The following PPP2R2B variants were observed in gnomAD, a reference collection of about 807,000 sequenced individuals.
PPP2R2B encodes the protein serine/threonine-protein phosphatase 2A 55 kDa regulatory subunit B beta isoform.
A neutral mutation model predicts 46.0 loss-of-function variants in PPP2R2B; 5 were observed. The observed-to-expected ratio is 0.11, with a 90% CI of 0.06 to 0.23. PPP2R2B has a LOEUF of 0.23. Among genes scored for constraint, PPP2R2B ranks in the 10% least tolerant of loss-of-function variants. PPP2R2B has a pLI of 1.00. For missense variants in PPP2R2B, 367 were observed against 575.0 expected (o/e 0.64, Z 3.70); for synonymous variants, 215 against 206.7 (o/e 1.04, Z -0.34).
intron 1 of PPP2R2B, among the ~76,000 whole-genome samples, chr5:146,935,735 A>G (rs1582457710): frequency 6.6e-6 from 1 of 152,184 alleles, no homozygotes. Flanking sequence ...AAGAAGTTTG[A>G]TATGTCTTCA....
At chr5:146,634,726 C>A (rs1032755834) in intron 7 of PPP2R2B, among the ~76,000 whole-genome samples, 2 of 151,810 alleles carry the variant, frequency 1.3e-5, no homozygotes, top group African/African-American at 2.4e-5. Context: ...GCCTTCATAA[C>A]CATGTGATCT....
At chr5:147,019,588 T>C (rs567901555) in intron 1 of PPP2R2B, among the ~76,000 whole-genome samples, 3 of 151,684 alleles carry the variant, frequency 2.0e-5, no homozygotes, top group South Asian at 4.2e-4. Context: ...GTTTTTTGTT[T>C]TGTTTTGTTT....
intron 2 of PPP2R2B, among the ~76,000 whole-genome samples, chr5:146,851,663 A>T (rs551918680): frequency 6.6e-6 from 1 of 151,978 alleles, no homozygotes; most frequent in Non-Finnish European, 1.5e-5. Flanking sequence ...CTCAAATTAA[A>T]TAAGTGTAGG....
intron 2 of PPP2R2B, among the ~76,000 whole-genome samples, chr5:146,702,061 A>G (rs1240913008): frequency 6.6e-6 from 1 of 151,754 alleles, no homozygotes; most frequent in Non-Finnish European, 1.5e-5. Context: ...TGAGTTAAAA[A>G]AAAAAAAAAA....
chr5:147,056,749 G>A (rs1757098487), upstream of PPP2R2B, among the ~76,000 whole-genome samples: 1 of 152,132 alleles, frequency 6.6e-6, no homozygotes, highest in African/African-American at 2.4e-5. Flanking sequence ...CCAACCACAA[G>A]ATATAAGTAA....
intron 1 of PPP2R2B, chr5:146,918,340 T>C (rs1763468035): frequency 2.6e-5 from 4 of 152,204 alleles, no homozygotes; most frequent in Admixed American, 6.5e-5. Flanking sequence ...CTAAGTTTCT[T>C]TCCATAGTAT....
chr5:147,047,457 AC>A (rs1380564255), intron 1 of PPP2R2B, among the ~76,000 whole-genome samples: 1 of 151,664 alleles, frequency 6.6e-6, no homozygotes, highest in African/African-American at 2.4e-5. Flanking sequence ...CTTAAACTCC[AC>A]CCCCCAAAAT....
At chr5:146,717,780 T>C (rs953255926) in intron 2 of PPP2R2B, among the ~76,000 whole-genome samples, 2 of 152,246 alleles carry the variant, frequency 1.3e-5, no homozygotes, top group Admixed American at 1.3e-4. Context: ...ACTTTTGCTT[T>C]CAGGATCTCA....
chr5:146,686,622 A>T (rs933804032), intron 5 of PPP2R2B, among the ~76,000 whole-genome samples: 2 of 151,984 alleles, frequency 1.3e-5, no homozygotes, highest in Non-Finnish European at 2.9e-5. Flanking sequence ...AATTGTATTC[A>T]TCACATCACC....
At chr5:146,723,913 T>A (rs986715919) in intron 2 of PPP2R2B, among the ~76,000 whole-genome samples, 1 of 152,184 alleles carries the variant, frequency 6.6e-6, no homozygotes, top group Non-Finnish European at 1.5e-5. Context: ...AATCCCTTTT[T>A]TCTCTGAACC....
chr5:147,032,749 A>T, intron 1 of PPP2R2B, among the ~76,000 whole-genome samples: 1 of 152,000 alleles, frequency 6.6e-6, no homozygotes, highest in Middle Eastern at 3.2e-3. Flanking sequence ...TTCTTTATCC[A>T]CTTGTTTATT....
At chr5:146,706,962 C>A (rs1779902023) in intron 2 of PPP2R2B, 3 of 1,028,216 alleles carry the variant, frequency 2.9e-6, no homozygotes, top group Non-Finnish European at 3.1e-6. Context: ...TTGATATCGT[C>A]AGCCCTTCCA....
intron 2 of PPP2R2B, among the ~76,000 whole-genome samples, chr5:146,788,953 T>C (rs1205536634): frequency 6.6e-6 from 1 of 152,084 alleles, no homozygotes; most frequent in African/African-American, 2.4e-5. Context: ...GGCACAAACA[T>C]TGGTAAATAT....
At chr5:146,624,853 C>T (rs111826674) in intron 7 of PPP2R2B, among the ~76,000 whole-genome samples, 1 of 152,168 alleles carries the variant, frequency 6.6e-6, no homozygotes, top group Non-Finnish European at 1.5e-5. Flanking sequence ...TGTACACAGC[C>T]CAGCTGGTCA....
Position 146,628,555 on chromosome 5 carries a change from T to G in PPP2R2B, c.790+9696A>C, listed in dbSNP as rs537248432. On this transcript the variant is annotated intron_variant, in intron 7 of 9. Coordinates refer to ENST00000394411, the MANE Select transcript of PPP2R2B (RefSeq NM_181675.4). The stretch of plus-strand genomic sequence containing the variant: ...AGACCTTCTCTGGCCAGATTCAGCT[T>G]CTGCAATTCCCCAGCACTAGACATT... Among the ~76,000 whole-genome samples the G allele has an allele frequency of 3.3e-5, 5 of 152,282 alleles. No individual in the cohort carries two copies. The East Asian group carries it at 9.7e-4, about 30-fold the overall frequency.
chr5:146,991,774 C>A (rs1753708471), intron 1 of PPP2R2B, among the ~76,000 whole-genome samples: 1 of 151,534 alleles, frequency 6.6e-6, no homozygotes, highest in Admixed American at 6.6e-5. Context: ...CCATATTTTA[C>A]AATAAAATAA....
chr5:146,997,181 A>G (rs751445178), intron 1 of PPP2R2B, among the ~76,000 whole-genome samples: 1 of 152,160 alleles, frequency 6.6e-6, no homozygotes, highest in Admixed American at 6.5e-5. Flanking sequence ...ATAGTGCCTT[A>G]CCAAGAAACC....
chr5:146,899,368 G>C (rs552648442), intron 1 of PPP2R2B, among the ~76,000 whole-genome samples: 1 of 147,504 alleles, frequency 6.8e-6, no homozygotes, highest in African/African-American at 2.5e-5. Context: ...GTAAACTATC[G>C]CAAGAACAAA....
chr5:146,766,013 G>T (rs1754456578), intron 2 of PPP2R2B, among the ~76,000 whole-genome samples: 1 of 152,134 alleles, frequency 6.6e-6, no homozygotes, highest in Admixed American at 6.6e-5. Flanking sequence ...AATTAAGATG[G>T]TGATACCTAA....
Sources: gnomAD v4.1 joint callset for allele counts (sites outside exome capture counted in the v4.1 genomes callset) on GRCh38, gnomAD v4.1.1 for gene constraint, MANE v1.5 for transcripts, NCBI Gene and HGNC (gene_info 2026-07-23, HGNC 2026-07-21) for gene names.